Variants in MRC1 observed in about 807,000 individuals in gnomAD.
The protein encoded by MRC1 is macrophage mannose receptor 1.
In MRC1, 62 loss-of-function variants were observed where a neutral mutation model predicts 102.9. The ratio of observed to expected loss-of-function variants is 0.60; its 90% CI spans 0.49 to 0.74. MRC1 has a LOEUF of 0.74. MRC1 is among the 30% of genes least tolerant of loss of function. The probability of loss-of-function intolerance (pLI) is 0.00; values close to 1 mark genes in which losing one functional copy is unlikely to be tolerated. For synonymous variants in MRC1, 457 were observed against 298.4 expected (o/e 1.53, Z -5.48); for missense variants, 1,237 against 862.8 (o/e 1.43, Z -5.43).
chr10:17,820,088 A>T (rs916635863), intron 1 of MRC1, among the ~76,000 whole-genome samples: 6 of 152,120 alleles, frequency 3.9e-5, no homozygotes, highest in Admixed American at 3.3e-4. Context: ...CACGCTGAGG[A>T]GGGTGAGCTG....
intron 4 of MRC1, among the ~76,000 whole-genome samples, chr10:17,835,056 G>T (rs1838642306): frequency 1.3e-5 from 2 of 152,190 alleles, no homozygotes; most frequent in Admixed American, 1.3e-4. Flanking sequence ...CTGAACATCT[G>T]TACTATTCCC....
chr10:17,827,408 A>G, intron 2 of MRC1, 134 bp from the exon 3 acceptor site: 1 of 308,804 alleles, frequency 3.2e-6, no homozygotes, highest in Admixed American at 4.5e-5. Flanking sequence ...AAAAAAAAAA[A>G]AAGAAATCCC....
chr10:17,817,359 A>T (rs893304309), intron 1 of MRC1, among the ~76,000 whole-genome samples: 8 of 151,748 alleles, frequency 5.3e-5, no homozygotes, highest in Non-Finnish European at 1.0e-4. Context: ...ATGTTACTGG[A>T]TGTTTAGTCT....
chr10:17,864,386 T>TG (rs1374910584), intron 11 of MRC1, among the ~76,000 whole-genome samples: 2 of 151,698 alleles, frequency 1.3e-5, no homozygotes, highest in Admixed American at 6.6e-5. Context: ...AATATTAGAG[T>TG]GGTTGGGTGG....
chr10:17,839,838 C>T (rs1206212728), intron 4 of MRC1, among the ~76,000 whole-genome samples: 1 of 151,366 alleles, frequency 6.6e-6, no homozygotes, highest in Non-Finnish European at 1.5e-5. Flanking sequence ...GTGGGCGGAT[C>T]ACCTGAGGTC....
At chr10:17,825,134 G>A (rs1313994840) in intron 2 of MRC1, among the ~76,000 whole-genome samples, 1 of 152,146 alleles carries the variant, frequency 6.6e-6, no homozygotes, top group African/African-American at 2.4e-5. Context: ...GCTCTGCAGA[G>A]TGACCACGAG....
intron 1 of MRC1, among the ~76,000 whole-genome samples, chr10:17,810,933 C>T (rs1223756829): frequency 2.0e-5 from 3 of 152,132 alleles, no homozygotes; most frequent in African/African-American, 7.2e-5. Flanking sequence ...GCTGGGATTA[C>T]AGGCATGCAC....
At position 17,848,981 on chromosome 10, in the gene MRC1, T is replaced by C. The variant is rs1044224766; in HGVS notation, c.1064-598T>C. On this transcript the variant is annotated intron_variant, in intron 6 of 29. Transcript: ENST00000569591. ...GCTCCCTAATGTCCATAGAATAAAG[T>C]AAATTCAAATCTTTTAGGGGATGTG... Among the ~76,000 whole-genome samples, 93 of 152,224 alleles carry C rather than the reference T, an allele frequency of 6.1e-4. No individual in the cohort carries two copies. The East Asian group carries it at 0.017, about 28-fold the overall frequency.
chr10:17,890,518 C>G (rs1833656972), intron 22 of MRC1, among the ~76,000 whole-genome samples: 2 of 152,162 alleles, frequency 1.3e-5, no homozygotes, highest in South Asian at 4.1e-4. Context: ...TTGATCCTTT[C>G]TTAGCATTTT....
In MRC1 at chr10:17,840,760, G is replaced by C. The variant is rs1454630057; in HGVS notation, c.870G>C (p.Trp290Cys). Reference protein sequence around the residue: ...GLNSLSFNSGWQWSDRSPFRY... With the variant: ...GLNSLSFNSGCQWSDRSPFRY... ...ACAGTCTGAGCTTCAACAGCGGTTG[G>C]CAGTGGAGTGACCGCAGTCCTTTCC... The change falls in exon 5 of 30, where the codon TGG (tryptophan) becomes TGC (cysteine). Residue 290 changes from tryptophan to cysteine, a missense_variant. Transcript: ENST00000569591. 2.6e-6 allele frequency: 2 copies of C among 780,860 alleles called. No individual in the cohort carries two copies. Among genetic ancestry groups the C allele is most frequent in the Non-Finnish European group, 4.8e-6 (2 of 417,960 alleles). 48.4% of individuals were successfully genotyped at this position (780,860 alleles called of 1,614,324 possible).
intron 11 of MRC1, 131 bp from the exon 12 acceptor site, chr10:17,866,431 A>G: frequency 1.3e-6 from 1 of 756,816 alleles, no homozygotes; most frequent in African/African-American, 1.7e-5. Context: ...AAAGTGTTAC[A>G]AACCCCCCTG....
intron 21 of MRC1, among the ~76,000 whole-genome samples, chr10:17,883,522 G>T (rs1002649872): frequency 6.6e-6 from 1 of 151,580 alleles, no homozygotes; most frequent in Non-Finnish European, 1.5e-5. Context: ...TCTCTGAGAC[G>T]GTAGCTGCCT....
intron 1 of MRC1, among the ~76,000 whole-genome samples, chr10:17,812,738 AT>A (rs1838244194): frequency 6.6e-6 from 1 of 151,568 alleles, no homozygotes; most frequent in Non-Finnish European, 1.5e-5. Context: ...CACCCGGCTA[AT>A]TTTTTCTATT....
chr10:17,814,973 CT>C (rs1314036227), intron 1 of MRC1, among the ~76,000 whole-genome samples: 2 of 152,028 alleles, frequency 1.3e-5, no homozygotes, highest in African/African-American at 2.4e-5. Context: ...GCCGGTCCCT[CT>C]TTCTGCACTG....
intron 4 of MRC1, among the ~76,000 whole-genome samples, chr10:17,838,556 TA>T (rs140577655): frequency 0.7 from 103,420 of 147,298 alleles, 37,366 homozygotes; most frequent in African/African-American, 0.92. Flanking sequence ...GGACCTCAAT[TA>T]AAAAAAAAAA....
intron 11 of MRC1, among the ~76,000 whole-genome samples, chr10:17,864,827 CAAAA>C (rs34931364): frequency 3.0e-4 from 24 of 80,538 alleles, no homozygotes; most frequent in Non-Finnish European, 3.6e-4. Context: ...AAAACTCCAT[CAAAA>C]AAAAAAAAAA....
chr10:17,888,507 T>C (rs1833631157), intron 22 of MRC1, among the ~76,000 whole-genome samples: 1 of 152,210 alleles, frequency 6.6e-6, no homozygotes, highest in Admixed American at 6.5e-5. Flanking sequence ...TTTTTGGTTG[T>C]CTTTGTGTGT....
chr10:17,828,063 A>G (rs1396553994), intron 3 of MRC1, among the ~76,000 whole-genome samples: 1 of 152,076 alleles, frequency 6.6e-6, no homozygotes, highest in African/African-American at 2.4e-5. Context: ...TCCCTCCATC[A>G]AGTGACCTCT....
At chr10:17,868,456 CCTTCATGCT>C (rs1396339501) in intron 12 of MRC1, among the ~76,000 whole-genome samples, 1 of 152,142 alleles carries the variant, frequency 6.6e-6, no homozygotes, top group African/African-American at 2.4e-5. Flanking sequence ...GGGGAAACTG[CCTTCATGCT>C]CCAATCACTT....
Sources: allele counts gnomAD v4.1 joint callset (sites outside exome capture counted in the v4.1 genomes callset), GRCh38; gene constraint gnomAD v4.1.1; transcripts MANE v1.5; gene names NCBI Gene and HGNC (gene_info 2026-07-23, HGNC 2026-07-21).